Variants in KRABD5 observed in about 807,000 individuals in gnomAD.
KRABD5 encodes the protein KRAB domain containing 5.
the KRABD5 span, chr16:31,753,624 A>G: frequency 1.3e-6 from 1 of 782,494 alleles, no homozygotes; most frequent in Admixed American, 3.2e-5. Flanking sequence ...TTCATATATC[A>G]ATTGAGAAAA....
chr16:31,716,928 C>T, the KRABD5 span, among the ~76,000 whole-genome samples: 1 of 150,728 alleles, frequency 6.6e-6, no homozygotes, highest in Non-Finnish European at 1.5e-5. Flanking sequence ...TTTTTTTCTG[C>T]CTTTTGGAAA....
the KRABD5 span, chr16:31,713,467 A>C: frequency 6.3e-7 from 1 of 1,597,920 alleles, no homozygotes; most frequent in South Asian, 1.1e-5. Context: ...TCCCCAGAAG[A>C]GGGAGAGGGG....
the KRABD5 span, among the ~76,000 whole-genome samples, chr16:31,741,556 T>G: frequency 6.6e-6 from 1 of 152,132 alleles, no homozygotes; most frequent in Non-Finnish European, 1.5e-5. Flanking sequence ...TTCTGATGGG[T>G]AGTGATGTGT....
chr16:31,745,749 G>A, the KRABD5 span, among the ~76,000 whole-genome samples: 12 of 152,266 alleles, frequency 7.9e-5, no homozygotes, highest in African/African-American at 2.9e-4. Flanking sequence ...TATTGTATGG[G>A]AGTCTACGTC....
At chr16:31,737,087 G>T in the KRABD5 span, among the ~76,000 whole-genome samples, 1 of 152,116 alleles carries the variant, frequency 6.6e-6, no homozygotes, top group Non-Finnish European at 1.5e-5. Context: ...TGACAAACCA[G>T]TGTTAATATA....
chr16:31,724,775 G>A, the KRABD5 span, among the ~76,000 whole-genome samples: 1 of 151,174 alleles, frequency 6.6e-6, no homozygotes, highest in Non-Finnish European at 1.5e-5. Flanking sequence ...TATTCATAAT[G>A]CTTTACATTA....
the KRABD5 span, chr16:31,756,851 T>C: frequency 6.6e-6 from 1 of 152,186 alleles, no homozygotes; most frequent in Non-Finnish European, 1.5e-5. Flanking sequence ...AAGAGAACTA[T>C]ACAGGCAGAA....
chr16:31,733,556 C>T, the KRABD5 span: 1 of 456,276 alleles, frequency 2.2e-6, no homozygotes. Flanking sequence ...CCTTTCCACA[C>T]TTCTCTCCAG....
chr16:31,757,053 G>A, the KRABD5 span: 15 of 152,200 alleles, frequency 9.9e-5, no homozygotes, highest in South Asian at 8.3e-4. Flanking sequence ...ACTTTATCCC[G>A]TACAAATCCT....
At chr16:31,750,817 C>T in the KRABD5 span, among the ~76,000 whole-genome samples, 629 of 152,040 alleles carry the variant, frequency 4.1e-3, 4 homozygotes, top group African/African-American at 0.014. Flanking sequence ...CACTCTATCC[C>T]CCAGGCTGGA....
At chr16:31,750,257 A>G in the KRABD5 span, among the ~76,000 whole-genome samples, 2 of 152,138 alleles carry the variant, frequency 1.3e-5, no homozygotes, top group Admixed American at 6.5e-5. Context: ...CTCATTGGTT[A>G]GATCTATTCC....
chr16:31,761,297 GA>G, the KRABD5 span: 2 of 152,222 alleles, frequency 1.3e-5, no homozygotes, highest in Admixed American at 1.3e-4. Context: ...CTGTTCTAGT[GA>G]AACAATTAGG....
chr16:31,732,819 C>G, the KRABD5 span, among the ~76,000 whole-genome samples: 1 of 152,080 alleles, frequency 6.6e-6, no homozygotes, highest in African/African-American at 2.4e-5. Context: ...AATGCATTTC[C>G]TGTGACATTT....
chr16:31,755,187 A>G, the KRABD5 span: 3 of 476,352 alleles, frequency 6.3e-6, no homozygotes, highest in Admixed American at 2.3e-5. Flanking sequence ...ACTAAACATC[A>G]GAGAATTCAT....
the KRABD5 span, among the ~76,000 whole-genome samples, chr16:31,730,612 GT>G: frequency 6.6e-6 from 1 of 152,046 alleles, no homozygotes. Context: ...GATTTGGGGA[GT>G]TTTAAGACAT....
chr16:31,713,581 C>A, the KRABD5 span: 1 of 1,208,688 alleles, frequency 8.3e-7, no homozygotes, highest in Non-Finnish European at 1.1e-6. Context: ...CGCAAGATGG[C>A]GGCCGGGCCG....
the KRABD5 span, among the ~76,000 whole-genome samples, chr16:31,732,680 A>AT: frequency 6.6e-6 from 1 of 152,178 alleles, no homozygotes; most frequent in Admixed American, 6.5e-5. Context: ...TAAAGACTTT[A>AT]TTATAGCCAT....
At chr16:31,713,552 G>A in the KRABD5 span, 1 of 1,417,232 alleles carries the variant, frequency 7.1e-7, no homozygotes, top group Non-Finnish European at 9.4e-7. Flanking sequence ...GACGCAACTC[G>A]GCCCTTGGTC....
At chr16:31,749,826 CTTA>C in the KRABD5 span, among the ~76,000 whole-genome samples, 1 of 152,154 alleles carries the variant, frequency 6.6e-6, no homozygotes, top group Non-Finnish European at 1.5e-5. Context: ...GATTCACACA[CTTA>C]TTATTGTTCT....
Sources: gnomAD v4.1 joint callset for allele counts (sites outside exome capture counted in the v4.1 genomes callset) on GRCh38, gnomAD v4.1.1 for gene constraint, MANE v1.5 for transcripts, NCBI Gene and HGNC (gene_info 2026-07-23, HGNC 2026-07-21) for gene names.